Variants in DNAH14 observed in about 807,000 individuals in gnomAD.
The protein encoded by DNAH14 is dynein axonemal heavy chain 14.
DNAH14 carries 478 observed loss-of-function variants against 520.9 expected under a neutral mutation model. The observed-to-expected ratio is 0.92, with a 90% CI of 0.85 to 0.99. The LOEUF (loss-of-function observed/expected upper bound fraction) is 0.99, where lower values mean the gene tolerates loss of function less well. Among genes scored for constraint, DNAH14 ranks in the 50% least tolerant of loss-of-function variants. DNAH14 has a pLI of 0.00. For missense variants in DNAH14, 4,831 were observed against 5,234.5 expected (o/e 0.92, Z 2.38); for synonymous variants, 1,581 against 1,757.2 (o/e 0.90, Z 2.51).
intron 36 of DNAH14, among the ~76,000 whole-genome samples, chr1:225,173,286 G>A (rs2082918120): frequency 6.6e-6 from 1 of 152,200 alleles, no homozygotes; most frequent in African/African-American, 2.4e-5. Flanking sequence ...AAGAGCTTCT[G>A]CACAGCAAAA....
chr1:225,280,440 A>C (rs1049553985), intron 54 of DNAH14, among the ~76,000 whole-genome samples: 3 of 152,046 alleles, frequency 2.0e-5, no homozygotes, highest in Non-Finnish European at 4.4e-5. Context: ...TCTACTAAAA[A>C]TACAAAAAAT....
intron 2 of DNAH14, 199 bp downstream of exon 2, chr1:224,952,978 C>T (rs2060272317): frequency 2.6e-6 from 1 of 381,412 alleles, no homozygotes; most frequent in Admixed American, 4.5e-5. Context: ...GTTGTTGGCT[C>T]CTTCCCCCAG....
chr1:225,137,369 G>T (rs1245151626), intron 27 of DNAH14, among the ~76,000 whole-genome samples: 1 of 151,804 alleles, frequency 6.6e-6, no homozygotes, highest in Non-Finnish European at 1.5e-5. Flanking sequence ...GTTTTGTTTT[G>T]TTTTAAGATA....
At chr1:225,021,738 C>A (rs1037376417) in intron 10 of DNAH14, among the ~76,000 whole-genome samples, 1 of 152,032 alleles carries the variant, frequency 6.6e-6, no homozygotes, top group Non-Finnish European at 1.5e-5. Context: ...TGATGCTATT[C>A]CTGTCAAATT....
chr1:224,944,860 C>G (rs560344090), intron 1 of DNAH14, among the ~76,000 whole-genome samples: 99 of 152,320 alleles, frequency 6.5e-4, no homozygotes, highest in African/African-American at 2.4e-3. Context: ...GCTGAGAGAT[C>G]AGCTGTTAGT....
At chr1:225,163,159 AAAAG>A (rs1232324574) in intron 35 of DNAH14, among the ~76,000 whole-genome samples, 6 of 151,326 alleles carry the variant, frequency 4.0e-5, no homozygotes, top group African/African-American at 1.5e-4. Flanking sequence ...AAAAAAAAAA[AAAAG>A]GAAAAAGAAA....
intron 8 of DNAH14, among the ~76,000 whole-genome samples, chr1:224,995,570 T>G (rs1244976556): frequency 2.0e-5 from 3 of 152,128 alleles, no homozygotes; most frequent in Non-Finnish European, 4.4e-5. Context: ...ACTTCCTGGA[T>G]ATTGGTATTT....
intron 21 of DNAH14, among the ~76,000 whole-genome samples, chr1:225,094,622 T>C (rs1200337727): frequency 3.9e-5 from 4 of 102,660 alleles, no homozygotes; most frequent in Non-Finnish European, 6.6e-5. Context: ...AATTGACAAA[T>C]GGGACCTAAT....
chr1:224,948,347 T>A (rs1338026221), intron 1 of DNAH14, among the ~76,000 whole-genome samples: 1 of 151,672 alleles, frequency 6.6e-6, no homozygotes, highest in African/African-American at 2.4e-5. Context: ...ATCTAGTGAC[T>A]CTTTCTGCTT....
chr1:225,292,900 A>G (rs955368039), intron 55 of DNAH14, among the ~76,000 whole-genome samples: 1 of 152,004 alleles, frequency 6.6e-6, no homozygotes, highest in African/African-American at 2.4e-5. Context: ...TTTTTCACCT[A>G]GTTTGCTGTT....
chr1:224,979,559 G>A (rs1427881067), intron 8 of DNAH14, among the ~76,000 whole-genome samples: 1 of 151,770 alleles, frequency 6.6e-6, no homozygotes, highest in Non-Finnish European at 1.5e-5. Context: ...GGCAGTATAG[G>A]CCACAAGGAC....
At position 225,050,319 on chromosome 1, in the gene DNAH14, G is replaced by A; in HGVS notation, c.2022G>A (p.Gln674=). ...GAAGCATAATACATTATAAAGAGCAGACCAGATGGCCAGATTGTCACATCC... is the reference window on the plus strand; with the variant it reads ...GAAGCATAATACATTATAAAGAGCAAACCAGATGGCCAGATTGTCACATCC... ...KTGSIIHYKE[Q]TRWPDCHILF... is the part of the protein sequence containing the mutation. The change falls in exon 16 of 86, where the codon CAG becomes CAA. Residue 674 remains glutamine, a synonymous_variant. Transcript: ENST00000682510. The A allele has an allele frequency of 1.9e-6, 3 of 1,548,392 alleles. No homozygotes were observed. Among genetic ancestry groups the A allele is most frequent in the Non-Finnish European group, 2.6e-6 (3 of 1,145,936 alleles).
chr1:225,254,122 A>G (rs1192526720), intron 44 of DNAH14, among the ~76,000 whole-genome samples: 1 of 152,104 alleles, frequency 6.6e-6, no homozygotes, highest in African/African-American at 2.4e-5. Flanking sequence ...TAAAGCAACC[A>G]CCAAGAACCT....
intron 54 of DNAH14, among the ~76,000 whole-genome samples, chr1:225,287,402 T>C (rs2093772585): frequency 6.6e-6 from 1 of 152,086 alleles, no homozygotes; most frequent in South Asian, 2.1e-4. Context: ...TATACTGGAG[T>C]TGAATAATGA....
intron 38 of DNAH14, among the ~76,000 whole-genome samples, chr1:225,201,742 T>A (rs2086852626): frequency 6.6e-6 from 1 of 152,152 alleles, no homozygotes; most frequent in Non-Finnish European, 1.5e-5. Context: ...CAGCCACGGG[T>A]AGCAGCAGCT....
intron 41 of DNAH14, among the ~76,000 whole-genome samples, chr1:225,216,219 T>C (rs1264883549): frequency 6.6e-6 from 1 of 152,188 alleles, no homozygotes. Context: ...TGTTGAATAT[T>C]GGCTCCCACT....
At chr1:225,315,641 T>A (rs368371115) in intron 60 of DNAH14, among the ~76,000 whole-genome samples, 13 of 152,298 alleles carry the variant, frequency 8.5e-5, no homozygotes, top group Non-Finnish European at 1.0e-4. Flanking sequence ...TTGTCCTTTT[T>A]GTTGATGTTG....
Position 225,144,752 on chromosome 1 carries a change from T to C in DNAH14, c.4740+124T>C. 6.9e-6 allele frequency: 5 copies of C among 726,710 alleles called. No individual in the cohort carries two copies. The South Asian group carries it at 7.7e-5, about 11-fold the overall frequency. The allele number at this position is 726,710 out of a possible 1,614,324, so 45.0% of individuals were successfully genotyped here. A position where few individuals can be genotyped will look rare whatever the true frequency, so the allele number is the denominator to read the frequency against. ...TTCATTGCATTAACAAGCACATTCATTAACTCACATATAATTAATTCATCA... is the reference window on the plus strand; with the variant it reads ...TTCATTGCATTAACAAGCACATTCACTAACTCACATATAATTAATTCATCA... On this transcript the variant is annotated intron_variant, in intron 29 of 85. Coordinates refer to ENST00000682510, the MANE Select transcript of DNAH14 (RefSeq NM_001367479.1).
chr1:225,364,705 A>T, intron 75 of DNAH14, 87 bp from the exon 76 acceptor site: 4 of 938,568 alleles, frequency 4.3e-6, no homozygotes, highest in Non-Finnish European at 6.2e-6. Context: ...TCGTAAGGCC[A>T]CTTCAAACAG....
Sources: gnomAD v4.1 joint callset for allele counts (sites outside exome capture counted in the v4.1 genomes callset) on GRCh38, gnomAD v4.1.1 for gene constraint, MANE v1.5 for transcripts, NCBI Gene and HGNC (gene_info 2026-07-23, HGNC 2026-07-21) for gene names.